Variants in WWOX observed in about 807,000 individuals in gnomAD.
WWOX encodes the protein WW domain-containing oxidoreductase.
A neutral mutation model predicts 46.2 loss-of-function variants in WWOX; 69 were observed. The observed-to-expected ratio is 1.49, with a 90% CI of 1.23 to 1.82. WWOX has a LOEUF of 1.82. WWOX is among the 40% of genes most tolerant of loss of function. WWOX has a pLI of 0.00. For missense variants in WWOX, 919 were observed against 542.6 expected, an observed-to-expected ratio of 1.69 and a Z score of -6.89; for synonymous variants, 359 against 202.6, an observed-to-expected ratio of 1.77 and a Z score of -6.56.
At chr16:78,430,021 A>G (rs2083179411) in intron 7 of WWOX, among the ~76,000 whole-genome samples, 1 of 152,186 alleles carries the variant, frequency 6.6e-6, no homozygotes, top group Admixed American at 6.5e-5. Context: ...TGCTGCTAAG[A>G]AAGACATACC....
chr16:78,309,461 G>T (rs959168691), intron 5 of WWOX, among the ~76,000 whole-genome samples: 3 of 152,144 alleles, frequency 2.0e-5, no homozygotes, highest in African/African-American at 7.2e-5. Flanking sequence ...TACCACGTAT[G>T]ACTTGGAAGC....
chr16:78,463,684 G>A (rs2084006549), intron 8 of WWOX, among the ~76,000 whole-genome samples: 1 of 152,146 alleles, frequency 6.6e-6, no homozygotes, highest in African/African-American at 2.4e-5. Context: ...GAATCTGTTG[G>A]CTGATACTCT....
Position 78,918,824 on chromosome 16 carries a change from C to G in WWOX, c.1057-292784C>G, listed in dbSNP as rs911159687. On this transcript the variant is annotated intron_variant, in intron 8 of 8. Coordinates refer to ENST00000566780, the MANE Select transcript of WWOX (RefSeq NM_016373.4). ...TTACAGAACTTAAATTGGCTTCTCT[C>G]TTTCCTTTGCGGGGTCTCACATGAT... Among the ~76,000 whole-genome samples, 21 of 152,168 alleles carry G rather than the reference C, an allele frequency of 1.4e-4. 1 individual carries two copies.
At chr16:79,006,147 G>A (rs182979812) in intron 8 of WWOX, among the ~76,000 whole-genome samples, 5 of 152,308 alleles carry the variant, frequency 3.3e-5, no homozygotes, top group Admixed American at 6.5e-5. Flanking sequence ...GACAATGAGC[G>A]CTGAGATTGA....
chr16:78,115,217 C>G (rs1160683573), intron 4 of WWOX, 63 bp downstream of exon 4: 2 of 1,592,804 alleles, frequency 1.3e-6, no homozygotes, highest in African/African-American at 2.7e-5. Context: ...TTAGATCTAG[C>G]TATAATGGAA....
rs568082321 is a variant in WWOX, at chr16:78,617,314, A to C, written c.1056+184562A>C. 2.0e-5 allele frequency among the ~76,000 whole-genome samples: 3 copies of C among 151,656 alleles called. No individual in the cohort carries two copies. The South Asian group carries it at 6.3e-4, about 32-fold the overall frequency. ...CTACTTAGGAGGCTGAGGTGGAAGG[A>C]TCACTTGAGCCCAGGAGGCAGAGGT... On this transcript the variant is annotated intron_variant, in intron 8 of 8. Transcript: ENST00000566780.
chr16:78,921,983 G>A (rs1026400626), intron 8 of WWOX, among the ~76,000 whole-genome samples: 2 of 152,200 alleles, frequency 1.3e-5, no homozygotes, highest in Non-Finnish European at 2.9e-5. Flanking sequence ...ACAAGTACCA[G>A]ATGTGAAGCT....
At chr16:78,622,658 C>T (rs544476771) in intron 8 of WWOX, among the ~76,000 whole-genome samples, 1 of 143,374 alleles carries the variant, frequency 7.0e-6, no homozygotes, top group South Asian at 2.3e-4. Flanking sequence ...GATCACCCTT[C>T]CCCCACCTTG....
intron 8 of WWOX, among the ~76,000 whole-genome samples, chr16:79,151,675 C>G (rs1012058387): frequency 2.3e-5 from 3 of 130,644 alleles, no homozygotes; most frequent in Admixed American, 2.2e-4. Context: ...AGAGGATAGG[C>G]AAGAAGTAAG....
intron 5 of WWOX, among the ~76,000 whole-genome samples, chr16:78,315,915 T>A (rs1290374774): frequency 6.6e-6 from 1 of 152,106 alleles, no homozygotes; most frequent in Non-Finnish European, 1.5e-5. Flanking sequence ...GTGTTGAATA[T>A]TTATCAGGTT....
At chr16:78,181,135 AAGAG>A (rs1863019096) in intron 5 of WWOX, among the ~76,000 whole-genome samples, 1 of 152,158 alleles carries the variant, frequency 6.6e-6, no homozygotes, top group Non-Finnish European at 1.5e-5. Context: ...CATACAGAGA[AAGAG>A]AGACACGCAG....
intron 8 of WWOX, among the ~76,000 whole-genome samples, chr16:78,917,891 CAAAA>C: frequency 1.3e-5 from 2 of 151,840 alleles, no homozygotes; most frequent in Middle Eastern, 6.8e-3. Flanking sequence ...TTTTTTAAAA[CAAAA>C]AAAAGTTTAA....
chr16:78,277,776 TGAAG>T (rs2079606980), intron 5 of WWOX, among the ~76,000 whole-genome samples: 1 of 152,080 alleles, frequency 6.6e-6, no homozygotes, highest in African/African-American at 2.4e-5. Context: ...CCCCCGGGTG[TGAAG>T]GAAAGCGAGA....
At chr16:78,664,371 A>G (rs1189598598) in intron 8 of WWOX, among the ~76,000 whole-genome samples, 1 of 152,120 alleles carries the variant, frequency 6.6e-6, no homozygotes, top group Admixed American at 6.5e-5. Context: ...ATGTGGAATG[A>G]CTGCCCACGT....
intron 5 of WWOX, among the ~76,000 whole-genome samples, chr16:78,348,396 A>T (rs2081129201): frequency 8.2e-6 from 1 of 121,482 alleles, no homozygotes; most frequent in Admixed American, 7.9e-5. Context: ...GGTTGTTGAT[A>T]ATATGGAATA....
chr16:78,440,025 T>A (rs1051919314), intron 8 of WWOX, among the ~76,000 whole-genome samples: 2 of 152,218 alleles, frequency 1.3e-5, no homozygotes, highest in African/African-American at 2.4e-5. Flanking sequence ...GTCATCTGTT[T>A]GTATCCTAGT....
intron 5 of WWOX, among the ~76,000 whole-genome samples, chr16:78,232,059 G>A (rs1375557919): frequency 1.3e-5 from 2 of 152,030 alleles, no homozygotes; most frequent in African/African-American, 4.8e-5. Context: ...TCTATTAGGG[G>A]CTACACAATT....
chr16:78,898,351 C>G (rs758922535), intron 8 of WWOX: 6 of 152,068 alleles, frequency 3.9e-5, no homozygotes, highest in Admixed American at 2.0e-4. Flanking sequence ...GTTTATTTTT[C>G]TCTCCATAAG....
intron 8 of WWOX, among the ~76,000 whole-genome samples, chr16:78,990,519 T>C (rs1486498614): frequency 6.6e-6 from 1 of 152,172 alleles, no homozygotes; most frequent in Non-Finnish European, 1.5e-5. Context: ...AATGCCAAAA[T>C]GCACATCACA....
Sources: gnomAD v4.1 joint callset for allele counts (sites outside exome capture counted in the v4.1 genomes callset) on GRCh38, gnomAD v4.1.1 for gene constraint, MANE v1.5 for transcripts, NCBI Gene and HGNC (gene_info 2026-07-23, HGNC 2026-07-21) for gene names.